The following KMT5A variants were observed in gnomAD, a reference collection of about 807,000 sequenced individuals.
The protein encoded by KMT5A is N-lysine methyltransferase KMT5A.
A neutral mutation model predicts 40.6 loss-of-function variants in KMT5A; 6 were observed. That is an observed-to-expected ratio of 0.15 (90% CI 0.08 to 0.29). The LOEUF (loss-of-function observed/expected upper bound fraction) is 0.29. Among genes scored for constraint, KMT5A ranks in the 10% least tolerant of loss-of-function variants. KMT5A has a pLI of 1.00. For missense variants in KMT5A, 308 were observed against 459.1 expected (o/e 0.67, Z 3.01); for synonymous variants, 153 against 178.8 (o/e 0.86, Z 1.15).
intron 5 of KMT5A, among the ~76,000 whole-genome samples, 166 bp from the exon 6 acceptor site, chr12:123,403,407 T>C (rs868292095): frequency 6.6e-6 from 1 of 152,194 alleles, no homozygotes; most frequent in South Asian, 2.1e-4. Context: ...GGAGGGATAC[T>C]TGGGGGCTTT....
chr12:123,389,588 C>T, intron 2 of KMT5A, 34 bp downstream of exon 2: 2 of 1,068,814 alleles, frequency 1.9e-6, no homozygotes, highest in Non-Finnish European at 2.3e-6. Context: ...CCCTGCGGCG[C>T]GCCCGCCGGG....
Position 123,404,898 on chromosome 12 carries a change from T to C in KMT5A, c.672T>C (p.Asp224=). 2 of 1,612,684 alleles carry C rather than the reference T, an allele frequency of 1.2e-6. No homozygotes were observed. The highest frequency in any genetic ancestry group is 1.7e-6 in the Non-Finnish European group (2 of 1,179,704). The change falls in exon 7 of 8, where the codon GAT becomes GAC. Residue 224 remains aspartate, a synonymous_variant. Coordinates refer to ENST00000402868, the MANE Select transcript of KMT5A (RefSeq NM_020382.7). ...KEEGMKIDLI[D]GKGRGVIATK... is the part of the protein sequence containing the mutation. ...TCACCTGACAGATTGACCTCATCGA[T>C]GGCAAAGGCAGGGGTGTGATTGCCA...
intron 7 of KMT5A, among the ~76,000 whole-genome samples, chr12:123,405,687 T>C (rs987069498): frequency 6.6e-6 from 1 of 151,738 alleles, no homozygotes. Flanking sequence ...CAGCTAATTC[T>C]TATATATTTT....
At position 123,395,181 on chromosome 12, in the gene KMT5A, C is replaced by T. The variant is rs555777859; in HGVS notation, c.424C>T (p.Pro142Ser). 1.5e-5 allele frequency: 24 copies of T among 1,613,198 alleles called. No homozygotes were observed. In the South Asian group the frequency reaches 2.6e-4, roughly 18 times the overall value. The change falls in exon 4 of 8, where the codon CCC becomes TCC. Residue 142 changes from proline to serine, a missense_variant. Coordinates refer to ENST00000402868, the MANE Select transcript of KMT5A (RefSeq NM_020382.7). The stretch of plus-strand genomic sequence containing the variant: ...AGCAGCAGAACCTCCAAAAACTCCA[C>T]CCTCATCTTGTGATTCCACCAATGC... Reference protein sequence around the residue: ...SEAAEPPKTPPSSCDSTNAAI... With the variant: ...SEAAEPPKTPSSSCDSTNAAI...
chr12:123,395,838 C>T lies in KMT5A; in HGVS notation c.510-507C>T, dbSNP rs570104778. On this transcript the variant is annotated intron_variant, in intron 4 of 7. Transcript: ENST00000402868. ...TCAGCCTCCCAAAGTCCTGGGATTACAGGCGTGAACCACCATGCCCGACTG... is the reference window on the plus strand; with the variant it reads ...TCAGCCTCCCAAAGTCCTGGGATTATAGGCGTGAACCACCATGCCCGACTG... Among the ~76,000 whole-genome samples the T allele has an allele frequency of 4.6e-5, 7 of 152,200 alleles. No homozygotes were observed. The South Asian group carries it at 1.0e-3, about 23-fold the overall frequency.
chr12:123,400,881 T>G (rs962457161), intron 5 of KMT5A, among the ~76,000 whole-genome samples: 6 of 151,826 alleles, frequency 4.0e-5, no homozygotes, highest in Non-Finnish European at 7.4e-5. Context: ...GTGGCATGAT[T>G]ATGGCTTACT....
chr12:123,404,050 G>A (rs979645982), intron 6 of KMT5A, among the ~76,000 whole-genome samples: 3 of 152,076 alleles, frequency 2.0e-5, no homozygotes, highest in Non-Finnish European at 4.4e-5. Flanking sequence ...GCTGCTTTCT[G>A]TCTCAGTGGA....
intron 5 of KMT5A, among the ~76,000 whole-genome samples, chr12:123,401,892 T>G (rs558138855): frequency 1.3e-3 from 192 of 151,452 alleles, no homozygotes; most frequent in Non-Finnish European, 2.2e-3. Context: ...ATGTTTTCTG[T>G]TTTTTTTTAA....
At chr12:123,392,774 G>A (rs1487563563) in intron 3 of KMT5A, among the ~76,000 whole-genome samples, 1 of 152,130 alleles carries the variant, frequency 6.6e-6, no homozygotes, top group Non-Finnish European at 1.5e-5. Flanking sequence ...TAATGTTCAC[G>A]GGCACCACAC....
chr12:123,405,955 G>A (rs1878519065), intron 7 of KMT5A, among the ~76,000 whole-genome samples: 1 of 152,056 alleles, frequency 6.6e-6, no homozygotes, highest in African/African-American at 2.4e-5. Context: ...GAGTAGCTGG[G>A]ACTACACACA....
At chr12:123,392,899 C>G (rs925213201) in intron 3 of KMT5A, among the ~76,000 whole-genome samples, 1 of 152,048 alleles carries the variant, frequency 6.6e-6, no homozygotes, top group Non-Finnish European at 1.5e-5. Flanking sequence ...TTTTTTGAGA[C>G]ACAGTCTCGC....
Position 123,403,586 on chromosome 12 carries a change from A to G in KMT5A, c.611A>G (p.Lys204Arg). Residue 204 changes from lysine (K) to arginine (R), a missense_variant, in exon 6 of 8, where the codon AAA (lysine) becomes AGA (arginine). Coordinates refer to ENST00000402868, the MANE Select transcript of KMT5A (RefSeq NM_020382.7). ...CTCTCTGCCCAGTCTGAAGAAAGGAAAAGAATAGATGAATTGATTGAAAGT... is the reference window on the plus strand; with the variant it reads ...CTCTCTGCCCAGTCTGAAGAAAGGAGAAGAATAGATGAATTGATTGAAAGT... The part of the protein sequence containing the change: ...SKAELQSEER[K>R]RIDELIESGK... 6.2e-7 allele frequency: 1 copy of G among 1,614,180 alleles called. No individual in the cohort carries two copies. The highest frequency in any genetic ancestry group is 8.5e-7 in the Non-Finnish European group (1 of 1,179,996).
rs1876780833 is a variant in KMT5A, at chr12:123,384,868, G to A, written c.10+660G>A. On this transcript the variant is annotated intron_variant, in intron 1 of 7. Transcript: ENST00000402868. This position sits in a 1 kb window ranked among gnomAD's most constrained non-coding sequence, Gnocchi z 5.7. The stretch of plus-strand genomic sequence containing the variant: ...CTTGGGTGGGCTTGTACAGCCCTGG[G>A]AGGCGATGCCCTGTCTGAAGTCCTC... Among the ~76,000 whole-genome samples, 1 of 152,196 alleles carries A rather than the reference G, an allele frequency of 6.6e-6. No individual in the cohort carries two copies.
intron 5 of KMT5A, among the ~76,000 whole-genome samples, chr12:123,400,506 G>A (rs1220888256): frequency 6.6e-5 from 10 of 151,448 alleles, no homozygotes; most frequent in East Asian, 5.8e-4. Context: ...GATTATAGGC[G>A]CTTGCCACCA....
chr12:123,404,871 T>C lies in KMT5A; in HGVS notation c.658-13T>C. On this transcript the variant is annotated splice_polypyrimidine_tract_variant and intron_variant, in intron 6 of 7. Coordinates refer to ENST00000402868, the MANE Select transcript of KMT5A (RefSeq NM_020382.7). ...GCTATTATGAACCAACACCCTCTCTTATCACCTGACAGATTGACCTCATCG... is the reference window on the plus strand; with the variant it reads ...GCTATTATGAACCAACACCCTCTCTCATCACCTGACAGATTGACCTCATCG... 1 of 1,608,750 alleles carries C rather than the reference T, an allele frequency of 6.2e-7. No individual in the cohort carries two copies. Among genetic ancestry groups the C allele is most frequent in the Non-Finnish European group, 8.5e-7 (1 of 1,177,774 alleles).
intron 7 of KMT5A, among the ~76,000 whole-genome samples, chr12:123,405,731 G>A (rs1331304680): frequency 6.6e-6 from 1 of 151,166 alleles, no homozygotes; most frequent in Non-Finnish European, 1.5e-5. Context: ...ATGTTGGCCA[G>A]GCTGGTCTGA....
chr12:123,403,701 C>A, intron 6 of KMT5A, 69 bp downstream of exon 6: 1 of 1,579,616 alleles, frequency 6.3e-7, no homozygotes, highest in East Asian at 2.2e-5. Flanking sequence ...GGTCCCGTGG[C>A]TGAGAGTGGC....
intron 3 of KMT5A, among the ~76,000 whole-genome samples, chr12:123,394,222 G>A (rs1354308589): frequency 2.0e-5 from 3 of 148,428 alleles, no homozygotes; most frequent in African/African-American, 7.5e-5. Context: ...TCCTGCCTCA[G>A]CCTCCTGAGT....
Position 123,403,581 on chromosome 12 carries a change from A to C in KMT5A, c.606A>C (p.Glu202Asp). The C allele has an allele frequency of 6.2e-7, 1 of 1,614,212 alleles. No individual in the cohort carries two copies. Among genetic ancestry groups the C allele is most frequent in the South Asian group, 1.1e-5 (1 of 91,090 alleles). ...RKSKAELQSE[E>D]RKRIDELIES... ...TCTTTCTCTCTGCCCAGTCTGAAGA[A>C]AGGAAAAGAATAGATGAATTGATTG... Residue 202 changes from glutamate to aspartate, a missense_variant, in exon 6 of 8, where the codon GAA (glutamate) becomes GAC (aspartate). Around this residue, in one of 4 missense-constraint regions of KMT5A, gnomAD observed 77 missense variants for 220.0 expected, o/e 0.35. Coordinates refer to ENST00000402868, the MANE Select transcript of KMT5A (RefSeq NM_020382.7).
Sources: gnomAD v4.1 joint callset for allele counts (sites outside exome capture counted in the v4.1 genomes callset) on GRCh38, gnomAD v4.1.1 for gene constraint, gnomAD v4.1.1 regional missense constraint, Gnocchi (gnomAD v3.1) non-coding constraint, MANE v1.5 for transcripts, NCBI Gene and HGNC (gene_info 2026-07-23, HGNC 2026-07-21) for gene names.